DAPK1: variants seen among roughly 807,000 people sequenced by gnomAD.
DAPK1 encodes the protein death-associated protein kinase 1.
DAPK1 carries 56 observed loss-of-function variants against 144.9 expected under a neutral mutation model. The observed-to-expected ratio is 0.39, with a 90% CI of 0.31 to 0.48. The LOEUF (loss-of-function observed/expected upper bound fraction) is 0.48, where lower values mean the gene tolerates loss of function less well. DAPK1 is among the 20% of genes least tolerant of loss of function. The pLI, the probability that DAPK1 is intolerant of heterozygous loss-of-function variation, is 0.95. For synonymous variants in DAPK1, 690 were observed against 749.0 expected (o/e 0.92, Z 1.29); for missense variants, 1,454 against 1,875.4 (o/e 0.78, Z 4.15).
chr9:87,578,977 A>G (rs1827656110), intron 2 of DAPK1, among the ~76,000 whole-genome samples: 1 of 152,234 alleles, frequency 6.6e-6, no homozygotes, highest in Admixed American at 6.5e-5. Context: ...TGCCATGCAC[A>G]CCAGCCTAGA....
intron 2 of DAPK1, among the ~76,000 whole-genome samples, chr9:87,519,706 G>A (rs1344470324): frequency 1.3e-5 from 2 of 152,196 alleles, no homozygotes; most frequent in African/African-American, 2.4e-5. Flanking sequence ...CAATGAGGTA[G>A]CACTGCTTCT....
intron 18 of DAPK1, among the ~76,000 whole-genome samples, chr9:87,664,698 C>T (rs1001939946): frequency 1.3e-5 from 2 of 152,220 alleles, no homozygotes; most frequent in Non-Finnish European, 2.9e-5. Flanking sequence ...TCCCTGCTTC[C>T]ACCCTTACCT....
intron 18 of DAPK1, among the ~76,000 whole-genome samples, chr9:87,660,388 A>G (rs891984634): frequency 2.0e-5 from 3 of 152,194 alleles, no homozygotes; most frequent in East Asian, 1.9e-4. Context: ...TAGCAGCCAC[A>G]TGGAAGAAGG....
In DAPK1 at chr9:87,681,285, G is replaced by GA. The variant is rs763230169; in HGVS notation, c.2002-112dup. 4 of 394,334 alleles carry GA rather than the reference G, an allele frequency of 1.0e-5. No homozygotes were observed. In the South Asian group the frequency reaches 1.1e-4, roughly 10 times the overall value. 24.4% of individuals were successfully genotyped at this position (394,334 alleles called of 1,614,324 possible). On this transcript the variant is annotated intron_variant, in intron 19 of 25. Transcript: ENST00000408954. ...AAGAGTGAAACTCCGTCTCAAAAAA[G>GA]AAAAAAAGAAACATATCTTCAGCAT... is the stretch of plus-strand genomic sequence containing the variant.
At chr9:87,571,100 C>T (rs2118741535) in intron 2 of DAPK1, among the ~76,000 whole-genome samples, 1 of 152,180 alleles carries the variant, frequency 6.6e-6, no homozygotes, top group Non-Finnish European at 1.5e-5. Flanking sequence ...TGCCTCATGC[C>T]AACGCCTGTT....
intron 2 of DAPK1, among the ~76,000 whole-genome samples, chr9:87,569,128 T>C (rs11141893): frequency 0.22 from 33,933 of 152,136 alleles, 4,448 homozygotes; most frequent in Non-Finnish European, 0.31. Flanking sequence ...CTCTGAACTT[T>C]AAACACTGCC....
intron 17 of DAPK1, among the ~76,000 whole-genome samples, chr9:87,654,757 G>T (rs188042124): frequency 5.3e-5 from 8 of 152,168 alleles, no homozygotes; most frequent in African/African-American, 1.2e-4. Flanking sequence ...GCACCCAGGG[G>T]TCTACTATGT....
At chr9:87,546,755 T>C (rs6559998) in intron 2 of DAPK1, among the ~76,000 whole-genome samples, 63,376 of 152,014 alleles carry the variant, frequency 0.42, 13,521 homozygotes, top group African/African-American at 0.52. Flanking sequence ...CTCCTTTCCA[T>C]CTCATCTCTT....
intron 19 of DAPK1, 70 bp from the exon 20 acceptor site, chr9:87,681,334 T>G: frequency 1.2e-6 from 1 of 832,130 alleles, no homozygotes; most frequent in Non-Finnish European, 2.0e-6. Context: ...ACACCGGGGA[T>G]TAGGAATCTT....
chr9:87,509,453 C>T (rs995184665), intron 2 of DAPK1, among the ~76,000 whole-genome samples: 24 of 152,106 alleles, frequency 1.6e-4, no homozygotes, highest in African/African-American at 5.6e-4. Flanking sequence ...CCTCTGCCTC[C>T]GGGTTCAAGC....
At chr9:87,561,487 C>T (rs996405589) in intron 2 of DAPK1, among the ~76,000 whole-genome samples, 2 of 152,030 alleles carry the variant, frequency 1.3e-5, no homozygotes, top group Non-Finnish European at 1.5e-5. Flanking sequence ...GATGGCACCA[C>T]TGCACTCCAG....
At chr9:87,611,379 G>C (rs1828921964) in intron 3 of DAPK1, among the ~76,000 whole-genome samples, 1 of 152,246 alleles carries the variant, frequency 6.6e-6, no homozygotes, top group South Asian at 2.1e-4. Context: ...TCAAGCTCCT[G>C]CACTCAAGCG....
At position 87,686,577 on chromosome 9, in the gene DAPK1, C is replaced by T. The variant is rs1824864310; in HGVS notation, c.2251C>T (p.Pro751Ser). Residue 751 changes from proline to serine, a missense_variant, in exon 21 of 26, where the codon CCA becomes TCA. Transcript: ENST00000408954. This position sits in a 1 kb window ranked among gnomAD's most constrained non-coding sequence, Gnocchi z 4.2. ...CTCAGTGAGCATCAACAACCTGTAC[C>T]CAGGCTGCGAGAACGTGAGTGTGAG... The part of the protein sequence containing the change: ...TVSVSINNLY[P>S]GCENVSVRSR... 1 of 1,579,542 alleles carries T rather than the reference C, an allele frequency of 6.3e-7. No individual in the cohort carries two copies. The highest frequency in any genetic ancestry group is 8.6e-7 in the Non-Finnish European group (1 of 1,160,902).
intron 2 of DAPK1, among the ~76,000 whole-genome samples, chr9:87,521,694 C>A (rs1285373474): frequency 1.3e-5 from 2 of 152,200 alleles, no homozygotes; most frequent in African/African-American, 4.8e-5. Context: ...CAATTTTATT[C>A]CCCATCATTT....
chr9:87,663,511 C>T (rs2119247572), intron 18 of DAPK1, among the ~76,000 whole-genome samples: 1 of 152,220 alleles, frequency 6.6e-6, no homozygotes, highest in Middle Eastern at 3.4e-3. Context: ...TGCCCCTAAG[C>T]CTCTTTCACT....
chr9:87,681,444 C>T lies in DAPK1; in HGVS notation c.2042C>T (p.Thr681Ile). ...CTCTTCATCCAGCAGCTCCGACCCA[C>T]ACAGAACCTGCAGCCAAGAATTAAG... ...RGLFIQQLRPTQNLQPRIKLK... is the reference protein window; with the variant it reads ...RGLFIQQLRPIQNLQPRIKLK... The change falls in exon 20 of 26, where the codon ACA (threonine) becomes ATA (isoleucine). Residue 681 changes from threonine (T) to isoleucine (I), a missense_variant. Physicochemically the swap from Thr to Ile is moderately conservative, Grantham distance 89. Coordinates refer to ENST00000408954, the MANE Select transcript of DAPK1 (RefSeq NM_004938.4). 6.2e-7 allele frequency: 1 copy of T among 1,613,488 alleles called. No homozygotes were observed. The highest frequency in any genetic ancestry group is 8.5e-7 in the Non-Finnish European group (1 of 1,179,412).
rs781012306 is a variant in DAPK1, at chr9:87,706,639, C to T, written c.3568C>T (p.His1190Tyr). The change falls in exon 26 of 26, where the codon CAC (histidine) becomes TAC (tyrosine). Residue 1190 changes from histidine to tyrosine, a missense_variant. Around this residue, in one of 2 missense-constraint regions of DAPK1, gnomAD observed 1,025 missense variants for 1,237.9 expected, o/e 0.83. Coordinates refer to ENST00000408954, the MANE Select transcript of DAPK1 (RefSeq NM_004938.4). This position sits in a 1 kb window ranked among gnomAD's most constrained non-coding sequence, Gnocchi z 9.0. ...CGAGCTGCTGGTGCTGCTGGTCAAC[C>T]ACGGCCAGGGCATTGAGGTCCAGGT... ...GAELLVLLVN[H>Y]GQGIEVQVRG... is the part of the protein sequence containing the mutation. The T allele has an allele frequency of 5.0e-6, 8 of 1,612,788 alleles. No individual in the cohort carries two copies. Among genetic ancestry groups the T allele is most frequent in the Non-Finnish European group, 6.8e-6 (8 of 1,179,716 alleles).
intron 16 of DAPK1, 166 bp downstream of exon 16, chr9:87,650,284 G>A (rs1177621483): frequency 1.6e-6 from 1 of 616,648 alleles, no homozygotes; most frequent in Non-Finnish European, 2.8e-6. Context: ...TTTCTATATT[G>A]TATTTAATAG....
intron 9 of DAPK1, 62 bp downstream of exon 9, chr9:87,640,909 G>C: frequency 6.8e-7 from 1 of 1,480,978 alleles, no homozygotes; most frequent in Non-Finnish European, 9.4e-7. Flanking sequence ...GGGCACCCTG[G>C]TATTCATGTA....
Sources: gnomAD v4.1 joint callset for allele counts (sites outside exome capture counted in the v4.1 genomes callset) on GRCh38, gnomAD v4.1.1 for gene constraint, gnomAD v4.1.1 regional missense constraint, Gnocchi (gnomAD v3.1) non-coding constraint, MANE v1.5 for transcripts, NCBI Gene and HGNC (gene_info 2026-07-23, HGNC 2026-07-21) for gene names.